CACNA2D2: variants seen among roughly 807,000 people sequenced by gnomAD.
The protein encoded by CACNA2D2 is calcium voltage-gated channel auxiliary subunit alpha2delta 2.
Under a neutral mutation model 166.4 loss-of-function variants are expected in CACNA2D2, and 48 were observed. The ratio of observed to expected loss-of-function variants is 0.29; its 90% CI spans 0.23 to 0.37. The LOEUF (loss-of-function observed/expected upper bound fraction) is 0.37, where lower values mean the gene tolerates loss of function less well. Among genes scored for constraint, CACNA2D2 ranks in the 10% least tolerant of loss-of-function variants. The pLI is 1.00. For missense variants in CACNA2D2, 1,122 were observed against 1,433.0 expected, an observed-to-expected ratio of 0.78 and a Z score of 3.50; for synonymous variants, 561 against 573.7, an observed-to-expected ratio of 0.98 and a Z score of 0.32.
chr3:50,448,753 C>T (rs372670281), intron 2 of CACNA2D2, among the ~76,000 whole-genome samples: 37 of 152,262 alleles, frequency 2.4e-4, no homozygotes, highest in African/African-American at 8.7e-4. Context: ...CCCTGCCCTT[C>T]TGCCCACCAT....
At chr3:50,437,538 C>T (rs757729984) in intron 2 of CACNA2D2, among the ~76,000 whole-genome samples, 2 of 152,304 alleles carry the variant, frequency 1.3e-5, no homozygotes, top group South Asian at 2.1e-4. Context: ...CAGCCCTCCC[C>T]CTCAACATTC....
intron 2 of CACNA2D2, among the ~76,000 whole-genome samples, chr3:50,467,081 C>T (rs1709856646): frequency 6.6e-6 from 1 of 152,064 alleles, no homozygotes; most frequent in Non-Finnish European, 1.5e-5. Context: ...AAGGGGAGGA[C>T]ACCCAAAGGC....
intron 3 of CACNA2D2, among the ~76,000 whole-genome samples, chr3:50,401,239 A>T (rs1575631890): frequency 1.2e-5 from 1 of 82,070 alleles, no homozygotes. Context: ...GCAAATTGAT[A>T]AAAAAAATTA....
At chr3:50,402,702 CCCAG>C (rs1397369441) in intron 3 of CACNA2D2, among the ~76,000 whole-genome samples, 2 of 152,212 alleles carry the variant, frequency 1.3e-5, no homozygotes, top group African/African-American at 4.8e-5. Flanking sequence ...TAGCTGGCAC[CCCAG>C]CATGAAACTT....
rs137987584 is a variant in CACNA2D2, at chr3:50,366,826, A to C, written c.2589+5T>G. ...GGGTTACTGCCCCCGCCCCTGCCCA[A>C]ATACCTTCTGAGGCTGGTCTTGGTG... On this transcript the variant is annotated splice_donor_5th_base_variant and intron_variant, in intron 29 of 37. Transcript: ENST00000424201. This position sits in a 1 kb window ranked among gnomAD's most constrained non-coding sequence, Gnocchi z 5.9. 1.9e-5 allele frequency: 30 copies of C among 1,613,248 alleles called. No homozygotes were observed. Among genetic ancestry groups the C allele is most frequent in the Middle Eastern group, 1.6e-4 (1 of 6,062 alleles).
intron 2 of CACNA2D2, among the ~76,000 whole-genome samples, chr3:50,447,755 T>G (rs537530031): frequency 2.0e-5 from 3 of 152,236 alleles, no homozygotes; most frequent in African/African-American, 7.2e-5. Context: ...GCAGCCTCCC[T>G]GCCTGCTTGC....
chr3:50,478,551 T>C (rs1238917867), intron 1 of CACNA2D2, among the ~76,000 whole-genome samples: 1 of 152,200 alleles, frequency 6.6e-6, no homozygotes, highest in Admixed American at 6.5e-5. Context: ...ATCCACTACG[T>C]ACAAGGTGCA....
rs1012868449 is a variant in CACNA2D2, at chr3:50,362,883, C to A, written c.*1783G>T. The A allele has an allele frequency of 1.0e-5, 4 of 381,076 alleles. No homozygotes were observed. Among genetic ancestry groups the A allele is most frequent in the Non-Finnish European group, 1.9e-5 (4 of 216,146 alleles). The allele number at this position is 381,076 out of a possible 1,614,324, so 23.6% of individuals were successfully genotyped here. A position where few individuals can be genotyped will look rare whatever the true frequency, so the allele number is the denominator to read the frequency against. Reference sequence around the variant, plus strand: ...AATATTTTACAAGGAATCACACACACGATATTTTACAAAGTTTCTTGACTT... The same window carrying A: ...AATATTTTACAAGGAATCACACACAAGATATTTTACAAAGTTTCTTGACTT... On this transcript the variant is annotated 3_prime_UTR_variant, in exon 38 of 38. Coordinates refer to ENST00000424201, the MANE Select transcript of CACNA2D2 (RefSeq NM_006030.4).
chr3:50,463,617 G>C (rs1701071970), intron 2 of CACNA2D2, among the ~76,000 whole-genome samples: 1 of 152,242 alleles, frequency 6.6e-6, no homozygotes, highest in Non-Finnish European at 1.5e-5. Flanking sequence ...TGCCTGGGAA[G>C]GGACAGGAGT....
At chr3:50,455,544 G>C (rs997538428) in intron 2 of CACNA2D2, among the ~76,000 whole-genome samples, 1 of 152,196 alleles carries the variant, frequency 6.6e-6, no homozygotes. Context: ...GGAATAATTA[G>C]AAAATAAATT....
chr3:50,423,708 C>G (rs1160965765), intron 3 of CACNA2D2, among the ~76,000 whole-genome samples: 1 of 152,274 alleles, frequency 6.6e-6, no homozygotes, highest in Non-Finnish European at 1.5e-5. Context: ...TGTCAAGGCA[C>G]AGAGTGGGCA....
At chr3:50,473,991 C>T (rs567313369) in intron 2 of CACNA2D2, among the ~76,000 whole-genome samples, 33 of 152,368 alleles carry the variant, frequency 2.2e-4, no homozygotes, top group Non-Finnish European at 4.1e-4. Flanking sequence ...TCTCTGCCTG[C>T]CTGCCTGCCA....
rs1291717005 is a variant in CACNA2D2, at chr3:50,366,276, C to A, written c.2700G>T (p.Gln900His). ...GFLVLSNQNH[Q>H]WDQVGRFFSE... ...TCTTCCTGATCCTCACCTGGTCCCA[C>A]TGATGGTTCTGGTTTGACAGCACCA... Residue 900 changes from glutamine (Q) to histidine (H), a missense_variant, in exon 31 of 38, where the codon CAG becomes CAT. Gln to His is a conservative substitution (Grantham distance 24). Coordinates refer to ENST00000424201, the MANE Select transcript of CACNA2D2 (RefSeq NM_006030.4). This position sits in a 1 kb window ranked among gnomAD's most constrained non-coding sequence, Gnocchi z 5.9. 6.2e-7 allele frequency: 1 copy of A among 1,614,008 alleles called. No homozygotes were observed. Among genetic ancestry groups the A allele is most frequent in the African/African-American group, 1.3e-5 (1 of 74,916 alleles).
At chr3:50,415,116 T>C (rs1258513425) in intron 3 of CACNA2D2, among the ~76,000 whole-genome samples, 1 of 152,196 alleles carries the variant, frequency 6.6e-6, no homozygotes, top group Non-Finnish European at 1.5e-5. Flanking sequence ...CTAGGAATCC[T>C]GTTGACATTC....
At chr3:50,398,507 A>G (rs1706270371) in intron 3 of CACNA2D2, among the ~76,000 whole-genome samples, 2 of 152,146 alleles carry the variant, frequency 1.3e-5, no homozygotes, top group African/African-American at 4.8e-5. Context: ...ATGTCTGCTA[A>G]ATGAAAACTG....
At chr3:50,460,018 G>A (rs551658220) in intron 2 of CACNA2D2, among the ~76,000 whole-genome samples, 6 of 152,206 alleles carry the variant, frequency 3.9e-5, no homozygotes, top group East Asian at 1.9e-4. Flanking sequence ...TGTCTGCCTC[G>A]CCTGATCCGG....
Position 50,378,345 on chromosome 3 carries a change from GGA to G in CACNA2D2, c.1340-14_1340-13del. 6.4e-7 allele frequency: 1 copy of G among 1,551,506 alleles called. No individual in the cohort carries two copies. The highest frequency in any genetic ancestry group is 8.7e-7 in the Non-Finnish European group (1 of 1,147,060). On this transcript the variant is annotated splice_polypyrimidine_tract_variant and intron_variant, in intron 13 of 37. Transcript: ENST00000424201. ...CTCAAAATAGTAGCCTGTGAAGGAA[GGA>G]GAGGCAGAGGTGGGCCTGGCTGGCA...
chr3:50,375,677 T>C lies in CACNA2D2; in HGVS notation c.1874A>G (p.Tyr625Cys), dbSNP rs780181502. ...AGTGCTCCTTATAGGCACCCAGGTGTAGTTCCGTGTCACCTCATCTATGTA... is the reference window on the plus strand; with the variant it reads ...AGTGCTCCTTATAGGCACCCAGGTGCAGTTCCGTGTCACCTCATCTATGTA... ...ERYIDEVTRN[Y>C]TWVPIRSTNY... The change falls in exon 21 of 38, where the codon TAC becomes TGC. Residue 625 changes from tyrosine (Y) to cysteine (C), a missense_variant. This residue lies in a region of CACNA2D2 where 840 missense variants were observed against 1,166.8 expected (regional missense o/e 0.72). Transcript: ENST00000424201. This position sits in a 1 kb window ranked among gnomAD's most constrained non-coding sequence, Gnocchi z 4.0. 1.1e-5 allele frequency: 17 copies of C among 1,613,178 alleles called. No individual in the cohort carries two copies. The highest frequency in any genetic ancestry group is 2.7e-5 in the African/African-American group (2 of 74,874).
chr3:50,443,644 G>C (rs573512497), intron 2 of CACNA2D2, among the ~76,000 whole-genome samples: 1 of 152,318 alleles, frequency 6.6e-6, no homozygotes, highest in Non-Finnish European at 1.5e-5. Context: ...CCCTACCCCC[G>C]CAGCAGGACA....
Sources: allele counts gnomAD v4.1 joint callset (sites outside exome capture counted in the v4.1 genomes callset), GRCh38; gene constraint gnomAD v4.1.1; regional missense constraint gnomAD v4.1.1; non-coding constraint Gnocchi (gnomAD v3.1); transcripts MANE v1.5; gene names NCBI Gene and HGNC (gene_info 2026-07-23, HGNC 2026-07-21).